ZFYVE16: variants seen among roughly 807,000 people sequenced by gnomAD.
ZFYVE16 encodes zinc finger FYVE-type containing 16.
A neutral mutation model predicts 138.1 loss-of-function variants in ZFYVE16; 89 were observed. The ratio of observed to expected loss-of-function variants is 0.64; its 90% CI spans 0.54 to 0.77. ZFYVE16 has a LOEUF of 0.77. Ranked by LOEUF, ZFYVE16 falls within the 30% of genes least tolerant of loss-of-function variation. ZFYVE16 has a pLI of 0.00. For synonymous variants in ZFYVE16, 596 were observed against 618.3 expected (o/e 0.96, Z 0.53); for missense variants, 1,793 against 1,786.7 (o/e 1.00, Z -0.06).
chr5:80,453,966 TTTAAACAAA>T (rs1752246997), intron 11 of ZFYVE16: 1 of 152,190 alleles, frequency 6.6e-6, no homozygotes, highest in Non-Finnish European at 1.5e-5. Context: ...AGAATAGTGT[TTTAAACAAA>T]ACTACCTCTT....
At chr5:80,468,038 C>G (rs1753917782) in intron 15 of ZFYVE16, among the ~76,000 whole-genome samples, 1 of 152,098 alleles carries the variant, frequency 6.6e-6, no homozygotes, top group Non-Finnish European at 1.5e-5. Flanking sequence ...CCAAGCTACT[C>G]AGGAGGTTGA....
chr5:80,438,148 A>G lies in ZFYVE16; in HGVS notation c.1463A>G (p.His488Arg), dbSNP rs1194135154. 1.2e-6 allele frequency: 2 copies of G among 1,613,916 alleles called. No individual in the cohort carries two copies. Among genetic ancestry groups the G allele is most frequent in the African/African-American group, 2.7e-5 (2 of 74,920 alleles). Residue 488 changes from histidine to arginine, a missense_variant, in exon 4 of 19, where the codon CAT (histidine) becomes CGT (arginine). Coordinates refer to ENST00000505560, the MANE Select transcript of ZFYVE16 (RefSeq NM_001284236.3). ...TCTCAAGAGGGGCTTTCTGGCACTC[A>G]TGTCCCAGAGTCTTCTGATTGTTGT... Reference protein sequence around the residue: ...VESQEGLSGTHVPESSDCCEG... With the variant: ...VESQEGLSGTRVPESSDCCEG...
intron 15 of ZFYVE16, among the ~76,000 whole-genome samples, chr5:80,461,339 C>A (rs1356554979): frequency 6.6e-6 from 1 of 152,160 alleles, no homozygotes; most frequent in Admixed American, 6.5e-5. Flanking sequence ...AGTAGTCAGT[C>A]ACATTACCCC....
In ZFYVE16 at chr5:80,418,545, C is replaced by T. The variant is rs139561255; in HGVS notation, c.-93-8947C>T. Among the ~76,000 whole-genome samples the T allele has an allele frequency of 6.2e-3, 942 of 152,004 alleles. 9 individuals are homozygous for T. Among genetic ancestry groups the T allele is most frequent in the African/African-American group, 0.021 (870 of 41,422 alleles). Reference sequence around the variant, plus strand: ...CCCAGGCTGGTCTTGAACTCCTGGCCTCAAGTGAACTTCCCACCTCAGCTT... The same window carrying T: ...CCCAGGCTGGTCTTGAACTCCTGGCTTCAAGTGAACTTCCCACCTCAGCTT... On this transcript the variant is annotated intron_variant, in intron 1 of 18. Coordinates refer to ENST00000505560, the MANE Select transcript of ZFYVE16 (RefSeq NM_001284236.3).
rs1391488518 is a variant in ZFYVE16, at chr5:80,438,563, T to G, written c.1878T>G (p.Ser626Arg). ...TIPVQQGLPT[S>R]KSEITNQLSV... ...CAGTTCAACAAGGGTTACCTACCAG[T>G]AAGTCTGAGATTACAAATCAATTAT... is the stretch of plus-strand genomic sequence containing the variant. The change falls in exon 4 of 19, where the codon AGT (serine) becomes AGG (arginine). Residue 626 changes from serine to arginine, a missense_variant. Ser to Arg is a moderately radical substitution (Grantham distance 110). Coordinates refer to ENST00000505560, the MANE Select transcript of ZFYVE16 (RefSeq NM_001284236.3). 1.2e-6 allele frequency: 2 copies of G among 1,614,134 alleles called. No homozygotes were observed. The highest frequency in any genetic ancestry group is 3.3e-4 in the Middle Eastern group (2 of 6,062).
chr5:80,430,892 G>A (rs1049183296), intron 2 of ZFYVE16, among the ~76,000 whole-genome samples: 2 of 152,200 alleles, frequency 1.3e-5, no homozygotes, highest in Non-Finnish European at 2.9e-5. Context: ...AAACCAGGAA[G>A]AAGTTGAATC....
intron 7 of ZFYVE16, among the ~76,000 whole-genome samples, chr5:80,446,944 G>A (rs1045798108): frequency 1.8e-4 from 27 of 152,080 alleles, no homozygotes; most frequent in Admixed American, 3.3e-4. Flanking sequence ...TCACCTGGTC[G>A]ATTCTGGGTA....
chr5:80,445,519 A>T, intron 7 of ZFYVE16, 114 bp downstream of exon 7: 2 of 914,700 alleles, frequency 2.2e-6, no homozygotes, highest in African/African-American at 3.4e-5. Context: ...AGCTTCCTAA[A>T]ATAAGAGATG....
chr5:80,450,217 TC>T (rs1240972357), intron 9 of ZFYVE16, among the ~76,000 whole-genome samples: 8 of 152,030 alleles, frequency 5.3e-5, no homozygotes, highest in African/African-American at 1.9e-4. Context: ...ATTTAGTGCA[TC>T]TTTTATTTTA....
intron 15 of ZFYVE16, among the ~76,000 whole-genome samples, chr5:80,464,397 C>A (rs945936380): frequency 6.6e-6 from 1 of 152,212 alleles, no homozygotes; most frequent in South Asian, 2.1e-4. Context: ...CTTGCAAGAA[C>A]TGTCTCATTA....
At chr5:80,459,665 G>C (rs552300310) in intron 15 of ZFYVE16, among the ~76,000 whole-genome samples, 171 bp downstream of exon 15, 21 of 152,034 alleles carry the variant, frequency 1.4e-4, no homozygotes, top group African/African-American at 5.1e-4. Flanking sequence ...TCTCTCTTCT[G>C]CGTCTCCCCA....
chr5:80,412,559 A>G lies in ZFYVE16; in HGVS notation c.-94+4406A>G, dbSNP rs113418223. Among the ~76,000 whole-genome samples the G allele has an allele frequency of 5.6e-4, 86 of 152,264 alleles. 1 individual carries two copies. The highest frequency in any genetic ancestry group is 2.0e-3 in the African/African-American group (83 of 41,570). On this transcript the variant is annotated intron_variant, in intron 1 of 18. Transcript: ENST00000505560. Reference sequence around the variant, plus strand: ...ACATTGTCATATCATACCTTTTACAAATTATATTATCTTTTTTTATATCTT... The same window carrying G: ...ACATTGTCATATCATACCTTTTACAGATTATATTATCTTTTTTTATATCTT...
intron 6 of ZFYVE16, chr5:80,444,042 T>C (rs2112417425): frequency 3.1e-6 from 1 of 320,508 alleles, no homozygotes; most frequent in East Asian, 7.8e-5. Context: ...TTTTACAACC[T>C]GTCATCAATT....
intron 2 of ZFYVE16, 65 bp downstream of exon 2, chr5:80,427,610 C>CTTTTTTTTTTTTTTTT: frequency 3.4e-4 from 17 of 49,994 alleles, no homozygotes; most frequent in Admixed American, 6.4e-4. Flanking sequence ...CTGTCGTATG[C>CTTTTTTTTTTTTTTTT]TTTTTTTTTT....
chr5:80,471,597 G>T (rs1317001444), intron 15 of ZFYVE16, among the ~76,000 whole-genome samples: 1 of 152,144 alleles, frequency 6.6e-6, no homozygotes, highest in African/African-American at 2.4e-5. Context: ...GGACCAGAAG[G>T]CGGTGACCCC....
In ZFYVE16 at chr5:80,437,641, C is replaced by T. The variant is rs1750122511; in HGVS notation, c.956C>T (p.Ser319Leu). The change falls in exon 4 of 19, where the codon TCA (serine) becomes TTA (leucine). Residue 319 changes from serine to leucine, a missense_variant. Transcript: ENST00000505560. The stretch of plus-strand genomic sequence containing the variant: ...GATTTATGCTTAAATGATTCAAATT[C>T]AAGAGATGAAAATTTCAAATTACCT... ...NEDLCLNDSN[S>L]RDENFKLPDF... is the part of the protein sequence containing the mutation. 1 of 1,611,832 alleles carries T rather than the reference C, an allele frequency of 6.2e-7. No homozygotes were observed. The highest frequency in any genetic ancestry group is 8.5e-7 in the Non-Finnish European group (1 of 1,179,264).
intron 8 of ZFYVE16, 109 bp downstream of exon 8, chr5:80,448,513 A>AC: frequency 9.4e-7 from 1 of 1,063,630 alleles, no homozygotes; most frequent in Non-Finnish European, 1.2e-6. Context: ...TGCAATATGT[A>AC]CTAAGGCTGG....
rs149795911 is a variant in ZFYVE16 at position 80,425,808 on chromosome 5, T to C, written c.-93-1684T>C. Among the ~76,000 whole-genome samples, 14 of 152,308 alleles carry C rather than the reference T, an allele frequency of 9.2e-5. No homozygotes were observed. In the East Asian group the frequency reaches 2.7e-3, roughly 29 times the overall value. ...CCACATTTATTGATGGTGAAATTGATTGTTGGGTTTGGATGTGTTGACTTG... is the reference window on the plus strand; with the variant it reads ...CCACATTTATTGATGGTGAAATTGACTGTTGGGTTTGGATGTGTTGACTTG... On this transcript the variant is annotated intron_variant, in intron 1 of 18. Transcript: ENST00000505560.
intron 18 of ZFYVE16, 23 bp downstream of exon 18, chr5:80,474,853 A>G: frequency 1.9e-6 from 3 of 1,578,610 alleles, no homozygotes; most frequent in Non-Finnish European, 2.6e-6. Flanking sequence ...TTTGTGATGT[A>G]TTTTTGAAAT....
Sources: allele counts gnomAD v4.1 joint callset (sites outside exome capture counted in the v4.1 genomes callset), GRCh38; gene constraint gnomAD v4.1.1; transcripts MANE v1.5; gene names NCBI Gene and HGNC (gene_info 2026-07-23, HGNC 2026-07-21).